The following GRM7 variants were observed in gnomAD, a reference collection of about 807,000 sequenced individuals.
GRM7 encodes glutamate metabotropic receptor 7, also known as metabotropic glutamate receptor 7.
Under a neutral mutation model 84.5 loss-of-function variants are expected in GRM7, and 35 were observed. The observed-to-expected ratio is 0.41, with a 90% confidence interval of 0.32 to 0.55. The LOEUF (loss-of-function observed/expected upper bound fraction) is 0.55. Among genes scored for constraint, GRM7 ranks in the 20% least tolerant of loss-of-function variants. GRM7 has a pLI of 0.19. For synonymous variants in GRM7, 487 were observed against 455.1 expected (o/e 1.07, Z -0.89); for missense variants, 1,003 against 1,194.6 (o/e 0.84, Z 2.36).
intron 7 of GRM7, among the ~76,000 whole-genome samples, chr3:7,463,339 G>A (rs573274353): frequency 1.3e-5 from 2 of 152,288 alleles, no homozygotes; most frequent in East Asian, 3.9e-4. Flanking sequence ...ACTATTTTAA[G>A]AACAAACATT....
At chr3:7,125,319 G>A (rs1171038376) in intron 1 of GRM7, among the ~76,000 whole-genome samples, 1 of 152,188 alleles carries the variant, frequency 6.6e-6, no homozygotes, top group Non-Finnish European at 1.5e-5. Context: ...CTAAGCCTAA[G>A]AGATGGAGGC....
At chr3:7,453,700 C>A (rs1192558957) in intron 6 of GRM7, among the ~76,000 whole-genome samples, 2 of 152,028 alleles carry the variant, frequency 1.3e-5, no homozygotes, top group Non-Finnish European at 2.9e-5. Context: ...CAACTCTGAA[C>A]CTTGTCCTCT....
At chr3:7,636,898 G>A (rs984583103) in intron 8 of GRM7, among the ~76,000 whole-genome samples, 1 of 107,862 alleles carries the variant, frequency 9.3e-6, no homozygotes, top group Non-Finnish European at 1.9e-5. Context: ...CAGGCATTCT[G>A]TTTACTAACA....
intron 5 of GRM7, among the ~76,000 whole-genome samples, chr3:7,426,769 C>T (rs1696628207): frequency 6.6e-6 from 1 of 152,124 alleles, no homozygotes; most frequent in Non-Finnish European, 1.5e-5. Flanking sequence ...CAGCCCTAGG[C>T]CAGTATCAGG....
chr3:7,635,523 A>G (rs1171172459), intron 8 of GRM7, among the ~76,000 whole-genome samples: 1 of 152,178 alleles, frequency 6.6e-6, no homozygotes, highest in Admixed American at 6.5e-5. Context: ...TTGTCCACTG[A>G]AAGCAATAGT....
chr3:7,102,861 GGTTTT>G (rs1251952453), intron 1 of GRM7, among the ~76,000 whole-genome samples: 1 of 151,164 alleles, frequency 6.6e-6, no homozygotes, highest in African/African-American at 2.4e-5. Context: ...TGTTTATATT[GGTTTT>G]GTTTTGTTTT....
intron 1 of GRM7, among the ~76,000 whole-genome samples, chr3:7,091,893 T>C (rs918588617): frequency 6.6e-6 from 1 of 151,476 alleles, no homozygotes; most frequent in African/African-American, 2.4e-5. Context: ...CTGAGTGACA[T>C]TGCAATGATC....
chr3:7,387,117 G>T (rs1361339981), intron 4 of GRM7, among the ~76,000 whole-genome samples: 1 of 151,780 alleles, frequency 6.6e-6, no homozygotes, highest in Non-Finnish European at 1.5e-5. Flanking sequence ...TCTTTTTAAA[G>T]GTCACCATTT....
chr3:7,539,472 C>G (rs1692745461), intron 7 of GRM7, among the ~76,000 whole-genome samples: 1 of 127,398 alleles, frequency 7.8e-6, no homozygotes, highest in Admixed American at 8.3e-5. Context: ...GTCCGGAGTT[C>G]AAGACTAGCC....
chr3:7,216,926 A>G (rs1696633975), intron 2 of GRM7, among the ~76,000 whole-genome samples: 1 of 152,194 alleles, frequency 6.6e-6, no homozygotes, highest in Non-Finnish European at 1.5e-5. Context: ...ATGTGATGGT[A>G]TTCAGGCATT....
intron 4 of GRM7, among the ~76,000 whole-genome samples, chr3:7,368,162 C>CG (rs1559271307): frequency 1.3e-5 from 2 of 151,794 alleles, no homozygotes; most frequent in African/African-American, 4.8e-5. Flanking sequence ...CTTATCTGCC[C>CG]GGGAGATTGG....
chr3:7,706,798 C>T (rs1698109417), intron 9 of GRM7, among the ~76,000 whole-genome samples: 1 of 152,114 alleles, frequency 6.6e-6, no homozygotes. Context: ...TTTAGTTTGA[C>T]TGACACCATG....
chr3:7,162,619 C>T (rs555718390), intron 2 of GRM7, among the ~76,000 whole-genome samples: 2 of 150,962 alleles, frequency 1.3e-5, no homozygotes, highest in East Asian at 3.9e-4. Flanking sequence ...GGAGAATATG[C>T]TAATAAAGAT....
At chr3:7,702,722 A>T (rs911656371) in intron 9 of GRM7, among the ~76,000 whole-genome samples, 5 of 152,214 alleles carry the variant, frequency 3.3e-5, no homozygotes, top group African/African-American at 1.2e-4. Context: ...ATATATACTG[A>T]TCCTAATTAC....
At chr3:7,646,024 T>G (rs1452883233) in intron 8 of GRM7, among the ~76,000 whole-genome samples, 1 of 150,880 alleles carries the variant, frequency 6.6e-6, no homozygotes, top group African/African-American at 2.5e-5. Context: ...CATCTCTTCA[T>G]TTCTCTTTCT....
At chr3:7,025,687 GAC>G (rs1695956451) in intron 1 of GRM7, among the ~76,000 whole-genome samples, 2 of 152,220 alleles carry the variant, frequency 1.3e-5, no homozygotes, top group East Asian at 1.9e-4. Flanking sequence ...ATAGCCTTCT[GAC>G]ACGTGTGTCT....
intron 1 of GRM7, among the ~76,000 whole-genome samples, chr3:6,965,660 C>T (rs76882201): frequency 0.06 from 9,103 of 152,132 alleles, 530 homozygotes; most frequent in African/African-American, 0.14. Context: ...TTGGCAGGCA[C>T]TTCCTGCCTG....
intron 1 of GRM7, among the ~76,000 whole-genome samples, chr3:6,915,296 C>CA (rs1696905792): frequency 6.6e-6 from 1 of 151,996 alleles, no homozygotes; most frequent in Non-Finnish European, 1.5e-5. Context: ...TAAAAAGAGC[C>CA]AAAATAACAG....
At chr3:7,690,764 T>C (rs533847660) in intron 9 of GRM7, among the ~76,000 whole-genome samples, 1 of 152,222 alleles carries the variant, frequency 6.6e-6, no homozygotes, top group South Asian at 2.1e-4. Flanking sequence ...TAGATTCTAA[T>C]TTGGTAAACA....
Sources: gnomAD v4.1 joint callset for allele counts (sites outside exome capture counted in the v4.1 genomes callset) on GRCh38, gnomAD v4.1.1 for gene constraint, MANE v1.5 for transcripts, NCBI Gene and HGNC (gene_info 2026-07-23, HGNC 2026-07-21) for gene names.